The following FLACC1 variants were observed in gnomAD, a reference collection of about 807,000 sequenced individuals.
FLACC1 encodes the protein flagellum associated containing coiled-coil domains 1.
FLACC1 carries 66 observed loss-of-function variants against 62.8 expected under a neutral mutation model. The observed-to-expected ratio is 1.05, with a 90% CI of 0.86 to 1.29. FLACC1 has a LOEUF of 1.29. Ranked by LOEUF, FLACC1 falls within the 50% of genes most tolerant of loss-of-function variation. The pLI is 0.00. For synonymous variants in FLACC1, 156 were observed against 161.0 expected, an observed-to-expected ratio of 0.97 and a Z score of 0.24; for missense variants, 452 against 489.1, an observed-to-expected ratio of 0.92 and a Z score of 0.71.
At chr2:201,360,178 A>G (rs1236466945), upstream of FLACC1, among the ~76,000 whole-genome samples, 3 of 152,238 alleles carry the variant, frequency 2.0e-5, no homozygotes, top group Non-Finnish European at 2.9e-5. Flanking sequence ...CTAAGTGTTA[A>G]GTGCTCTTCT....
Position 201,357,300 on chromosome 2 carries a change from G to C in FLACC1, c.-366C>G, listed in dbSNP as rs1261468008. 5 of 152,364 alleles carry C rather than the reference G, an allele frequency of 3.3e-5. No individual in the cohort carries two copies. The East Asian group carries it at 9.6e-4, about 29-fold the overall frequency. 9.4% of individuals were successfully genotyped at this position (152,364 alleles called of 1,614,324 possible). A position where few individuals can be genotyped will look rare whatever the true frequency, so the allele number is the denominator to read the frequency against. On this transcript the variant is annotated 5_prime_UTR_variant, in exon 1 of 15. Coordinates refer to ENST00000392257, the MANE Select transcript of FLACC1 (RefSeq NM_001127391.3). ...ATTGCAATGAAATTAAACTAGAGGA[G>C]AAGGTCACCCCACCATTCAGATTCC...
chr2:201,325,944 C>T (rs978402279), intron 9 of FLACC1, among the ~76,000 whole-genome samples: 6 of 151,984 alleles, frequency 3.9e-5, no homozygotes, highest in African/African-American at 9.7e-5. Flanking sequence ...ACTAGCTAAC[C>T]GACCCCAATA....
chr2:201,289,973 C>T (rs1949695168), intron 12 of FLACC1, 188 bp from the exon 13 acceptor site: 1 of 990,858 alleles, frequency 1.0e-6, no homozygotes, highest in Non-Finnish European at 1.5e-6. Context: ...TTCAGCCTCA[C>T]CAGAGCTCAT....
chr2:201,303,729 C>T (rs963594407), intron 11 of FLACC1, among the ~76,000 whole-genome samples: 2 of 152,182 alleles, frequency 1.3e-5, no homozygotes, highest in Non-Finnish European at 2.9e-5. Flanking sequence ...AGCTTATCCA[C>T]CATGATCAAG....
At chr2:201,306,575 T>G (rs1296894949) in intron 11 of FLACC1, among the ~76,000 whole-genome samples, 1 of 152,170 alleles carries the variant, frequency 6.6e-6, no homozygotes, top group African/African-American at 2.4e-5. Context: ...AAGCTAAAAT[T>G]TTAAAGCTTC....
intron 7 of FLACC1, among the ~76,000 whole-genome samples, chr2:201,338,094 T>C (rs1950731248): frequency 6.6e-6 from 1 of 152,256 alleles, no homozygotes; most frequent in South Asian, 2.1e-4. Context: ...TTTTGCAGTT[T>C]TCCTTCTAAA....
At chr2:201,302,784 A>C (rs566516161) in intron 11 of FLACC1, among the ~76,000 whole-genome samples, 14 of 152,340 alleles carry the variant, frequency 9.2e-5, no homozygotes, top group Non-Finnish European at 2.1e-4. Flanking sequence ...ACTCACTCAA[A>C]ACAGCACAAC....
chr2:201,337,300 A>T (rs1470441097), intron 7 of FLACC1, among the ~76,000 whole-genome samples: 1 of 151,980 alleles, frequency 6.6e-6, no homozygotes, highest in Non-Finnish European at 1.5e-5. Context: ...ATCCATCTTG[A>T]GTTCATTTTT....
intron 9 of FLACC1, among the ~76,000 whole-genome samples, chr2:201,318,637 A>C (rs1171734707): frequency 6.6e-6 from 1 of 152,210 alleles, no homozygotes; most frequent in Non-Finnish European, 1.5e-5. Context: ...ACACTTCTAC[A>C]CTGCTGGTGG....
intron 7 of FLACC1, among the ~76,000 whole-genome samples, chr2:201,336,972 T>C (rs1224148786): frequency 6.6e-6 from 1 of 152,214 alleles, no homozygotes; most frequent in Non-Finnish European, 1.5e-5. Flanking sequence ...GAAATGTCTT[T>C]TAAGAAAGAT....
chr2:201,340,906 A>G lies in FLACC1; in HGVS notation c.524+1464T>C, dbSNP rs560404058. On this transcript the variant is annotated intron_variant, in intron 7 of 14. Coordinates refer to ENST00000392257, the MANE Select transcript of FLACC1 (RefSeq NM_001127391.3). ...TTCTTGGTAGGCAGTTTTTTCCTTC[A>G]GCACTTTTAATACATCATCACACTG... Among the ~76,000 whole-genome samples the G allele has an allele frequency of 3.6e-4, 55 of 152,308 alleles. 3 individuals carry two copies. The South Asian group carries it at 0.011, about 32-fold the overall frequency.
chr2:201,341,145 T>C (rs1391693100), intron 7 of FLACC1, among the ~76,000 whole-genome samples: 1 of 152,170 alleles, frequency 6.6e-6, no homozygotes, highest in East Asian at 1.9e-4. Flanking sequence ...CTGTACTTTC[T>C]CCTCATTTTT....
chr2:201,322,027 G>A (rs1950412605), intron 9 of FLACC1, among the ~76,000 whole-genome samples: 1 of 152,148 alleles, frequency 6.6e-6, no homozygotes, highest in Non-Finnish European at 1.5e-5. Context: ...CCAAAACTTT[G>A]GGAGGCTGAG....
At chr2:201,344,929 G>C (rs1047686024) in intron 5 of FLACC1, among the ~76,000 whole-genome samples, 2 of 152,160 alleles carry the variant, frequency 1.3e-5, no homozygotes, top group African/African-American at 4.8e-5. Flanking sequence ...AGAGAATGTG[G>C]GCTGATAAAA....
chr2:201,299,344 G>A, intron 11 of FLACC1, 44 bp from the exon 12 acceptor site: 1 of 1,535,010 alleles, frequency 6.5e-7, no homozygotes. Context: ...TGTGGTTCTG[G>A]CACATCTTCT....
rs1199044590 is a variant in FLACC1, at chr2:201,346,200, TCA to T, written c.368+340_368+341del. Among the ~76,000 whole-genome samples, 1 of 151,770 alleles carries T rather than the reference TCA, an allele frequency of 6.6e-6. No homozygotes were observed. Among genetic ancestry groups the T allele is most frequent in the Non-Finnish European group, 1.5e-5 (1 of 67,952 alleles). On this transcript the variant is annotated intron_variant, in intron 5 of 14. Transcript: ENST00000392257. This position sits in a 1 kb window ranked among gnomAD's most constrained non-coding sequence, Gnocchi z 4.0. ...GTGCACTCCAGCCACCCAGAAACCC[TCA>T]CTTTACTTAATTTGCATGCCTCAAA...
chr2:201,352,369 G>C (rs1951044185), intron 1 of FLACC1, among the ~76,000 whole-genome samples: 1 of 152,172 alleles, frequency 6.6e-6, no homozygotes, highest in Non-Finnish European at 1.5e-5. Flanking sequence ...TGAGAATCTT[G>C]ATGAAAGAAA....
intron 13 of FLACC1, 25 bp downstream of exon 13, chr2:201,289,671 C>T (rs1338397087): frequency 2.5e-6 from 4 of 1,612,116 alleles, no homozygotes; most frequent in African/African-American, 1.3e-5. Flanking sequence ...CCCCAACCCC[C>T]ATCCCCACTC....
At chr2:201,323,559 C>T (rs527710289) in intron 9 of FLACC1, among the ~76,000 whole-genome samples, 1 of 152,070 alleles carries the variant, frequency 6.6e-6, no homozygotes, top group East Asian at 1.9e-4. Context: ...GGGAATTTGT[C>T]ACTAGCAAAC....
Sources: allele counts gnomAD v4.1 joint callset (sites outside exome capture counted in the v4.1 genomes callset), GRCh38; gene constraint gnomAD v4.1.1; non-coding constraint Gnocchi (gnomAD v3.1); transcripts MANE v1.5; gene names NCBI Gene and HGNC (gene_info 2026-07-23, HGNC 2026-07-21).